CERS3: variants seen among roughly 807,000 people sequenced by gnomAD.
CERS3 encodes the protein ceramide synthase 3.
A neutral mutation model predicts 50.3 loss-of-function variants in CERS3; 33 were observed. That is an observed-to-expected ratio of 0.66 (90% CI 0.50 to 0.88). CERS3 has a LOEUF of 0.88. Ranked by LOEUF, CERS3 falls within the 40% of genes least tolerant of loss-of-function variation. The pLI is 0.00. For synonymous variants in CERS3, 176 were observed against 155.2 expected (o/e 1.13, Z -0.99); for missense variants, 470 against 460.3 (o/e 1.02, Z -0.19).
chr15:100,412,501 T>G (rs1021797838), intron 11 of CERS3, among the ~76,000 whole-genome samples: 1 of 152,186 alleles, frequency 6.6e-6, no homozygotes, highest in African/African-American at 2.4e-5. Context: ...ACTTCAGCTT[T>G]GTTCTTTTTC....
At chr15:100,423,862 T>C (rs974901402) in intron 11 of CERS3, among the ~76,000 whole-genome samples, 6 of 152,070 alleles carry the variant, frequency 3.9e-5, no homozygotes, top group South Asian at 2.1e-4. Flanking sequence ...TCCCCCACGA[T>C]GTTACCTGTA....
At chr15:100,430,594 A>G (rs1430751712) in intron 11 of CERS3, among the ~76,000 whole-genome samples, 1 of 152,198 alleles carries the variant, frequency 6.6e-6, no homozygotes, top group Non-Finnish European at 1.5e-5. Context: ...ATTACTCATA[A>G]TGTCCCACTG....
chr15:100,429,045 C>A (rs1428317031), intron 11 of CERS3, among the ~76,000 whole-genome samples: 1 of 152,220 alleles, frequency 6.6e-6, no homozygotes, highest in Admixed American at 6.5e-5. Flanking sequence ...CAGGGCCTGA[C>A]CCCAGGTGAG....
chr15:100,526,478 C>CTCTGTGTGTGTGTGTGTGTG, intron 1 of CERS3, among the ~76,000 whole-genome samples: 1 of 131,554 alleles, frequency 7.6e-6, no homozygotes, highest in Middle Eastern at 3.8e-3. Flanking sequence ...CCTACATAAA[C>CTCTGTGTGTGTGTGTGTGTG]TGTGTGTGTG....
Position 100,490,939 on chromosome 15 carries a change from A to G in CERS3, c.174-8T>C. The G allele has an allele frequency of 6.5e-7, 1 of 1,543,048 alleles. No individual in the cohort carries two copies. Among genetic ancestry groups the G allele is most frequent in the East Asian group, 2.3e-5 (1 of 44,212 alleles). On this transcript the variant is annotated splice_region_variant and splice_polypyrimidine_tract_variant and intron_variant, in intron 3 of 11. Transcript: ENST00000679737. ...AGAGGTGAAGCAACAAATCTACAAA[A>G]ATATGAAAAGAAAAAAAGTTCAAAA...
chr15:100,515,179 T>C (rs1257429943), intron 2 of CERS3, among the ~76,000 whole-genome samples: 1 of 152,228 alleles, frequency 6.6e-6, no homozygotes, highest in Non-Finnish European at 1.5e-5. Context: ...AGATAATATG[T>C]GGATTAAACT....
chr15:100,482,176 C>T (rs1257935032), intron 5 of CERS3, among the ~76,000 whole-genome samples: 1 of 152,208 alleles, frequency 6.6e-6, no homozygotes, highest in Non-Finnish European at 1.5e-5. Context: ...TTGTCAATGT[C>T]ATTTCACTAG....
At chr15:100,509,692 C>T (rs1484092929) in intron 2 of CERS3, among the ~76,000 whole-genome samples, 2 of 152,136 alleles carry the variant, frequency 1.3e-5, no homozygotes, top group African/African-American at 4.8e-5. Flanking sequence ...TATAGGTGAC[C>T]GGCATTCTCT....
intron 2 of CERS3, among the ~76,000 whole-genome samples, chr15:100,506,736 T>C (rs1596782277): frequency 6.6e-6 from 1 of 152,222 alleles, no homozygotes; most frequent in East Asian, 1.9e-4. Flanking sequence ...GAGATATAAA[T>C]TAGGTTAGTA....
chr15:100,497,688 T>A (rs957314805), intron 3 of CERS3, among the ~76,000 whole-genome samples: 1 of 152,014 alleles, frequency 6.6e-6, no homozygotes, highest in African/African-American at 2.4e-5. Flanking sequence ...AGCATATGGG[T>A]AAGTATACAC....
intron 2 of CERS3, among the ~76,000 whole-genome samples, chr15:100,511,189 T>C (rs920412401): frequency 6.6e-6 from 1 of 152,156 alleles, no homozygotes; most frequent in Non-Finnish European, 1.5e-5. Context: ...CTTGGGAGGC[T>C]GAGGCAGGAG....
intron 11 of CERS3, among the ~76,000 whole-genome samples, chr15:100,428,224 T>C (rs914557531): frequency 6.6e-6 from 1 of 152,248 alleles, no homozygotes; most frequent in Non-Finnish European, 1.5e-5. Context: ...ATCATTTGAA[T>C]AATTTTAAAT....
chr15:100,432,586 A>C (rs757022043), intron 11 of CERS3, among the ~76,000 whole-genome samples: 3 of 152,166 alleles, frequency 2.0e-5, no homozygotes, highest in Non-Finnish European at 4.4e-5. Flanking sequence ...GACCTGCTTG[A>C]TTTTGTATGA....
intron 1 of CERS3, among the ~76,000 whole-genome samples, chr15:100,526,373 G>A (rs747463704): frequency 4.6e-5 from 7 of 152,150 alleles, no homozygotes; most frequent in Non-Finnish European, 1.0e-4. Flanking sequence ...TGTGAGCGGA[G>A]GGAGCTCCCT....
intron 11 of CERS3, among the ~76,000 whole-genome samples, chr15:100,404,821 C>A (rs36075024): frequency 0.022 from 3,423 of 152,220 alleles, 42 homozygotes; most frequent in Middle Eastern, 0.065. Context: ...TAGATCCACA[C>A]AAATATGGCT....
intron 1 of CERS3, chr15:100,544,498 T>TCCGC (rs2037307100): frequency 5.4e-5 from 8 of 148,774 alleles, no homozygotes; most frequent in African/African-American, 1.7e-4. Flanking sequence ...GGCCTCGACC[T>TCCGC]GGGCCTGCGC....
chr15:100,451,426 A>C (rs2034162269), intron 11 of CERS3, among the ~76,000 whole-genome samples: 1 of 152,212 alleles, frequency 6.6e-6, no homozygotes. Context: ...AGACTAGGCC[A>C]GGCATGGTGG....
chr15:100,526,478 C>CTGTGTGTGTGTGTGTGTG (rs1217852084), intron 1 of CERS3, among the ~76,000 whole-genome samples: 18,154 of 131,250 alleles, frequency 0.14, 1,606 homozygotes, highest in Non-Finnish European at 0.17. Flanking sequence ...CCTACATAAA[C>CTGTGTGTGTGTGTGTGTG]TGTGTGTGTG....
intron 11 of CERS3, among the ~76,000 whole-genome samples, chr15:100,455,274 A>C (rs2034327380): frequency 6.6e-6 from 1 of 152,112 alleles, no homozygotes; most frequent in South Asian, 2.1e-4. Flanking sequence ...CAATATACCA[A>C]AGAGTAGAAT....
Sources: allele counts gnomAD v4.1 joint callset (sites outside exome capture counted in the v4.1 genomes callset), GRCh38; gene constraint gnomAD v4.1.1; transcripts MANE v1.5; gene names NCBI Gene and HGNC (gene_info 2026-07-23, HGNC 2026-07-21).